CDC42BPA: variants seen among roughly 807,000 people sequenced by gnomAD.
CDC42BPA encodes the protein serine/threonine-protein kinase MRCK alpha.
A neutral mutation model predicts 223.5 loss-of-function variants in CDC42BPA; 80 were observed. The observed-to-expected ratio is 0.36, with a 90% CI of 0.30 to 0.43. CDC42BPA has a LOEUF of 0.43. CDC42BPA is among the 20% of genes least tolerant of loss of function. CDC42BPA has a pLI of 1.00. For synonymous variants in CDC42BPA, 694 were observed against 718.6 expected, an observed-to-expected ratio of 0.97 and a Z score of 0.55; for missense variants, 1,743 against 2,099.9, an observed-to-expected ratio of 0.83 and a Z score of 3.32.
intron 5 of CDC42BPA, among the ~76,000 whole-genome samples, chr1:227,190,780 C>T (rs1669576540): frequency 6.6e-6 from 1 of 151,900 alleles, no homozygotes; most frequent in South Asian, 2.1e-4. Context: ...ATGAGAATAA[C>T]ATTTTAAGGA....
chr1:227,018,032 AATT>A (rs56236828), intron 32 of CDC42BPA, among the ~76,000 whole-genome samples: 2,028 of 145,094 alleles, frequency 0.014, 22 homozygotes, highest in African/African-American at 0.037. Context: ...TTAAAAATAG[AATT>A]ATTATTATTA....
intron 5 of CDC42BPA, among the ~76,000 whole-genome samples, chr1:227,161,231 A>C (rs1663833076): frequency 6.6e-6 from 1 of 152,224 alleles, no homozygotes; most frequent in Non-Finnish European, 1.5e-5. Context: ...ACTATATCAT[A>C]TACCAGCTTT....
At chr1:227,296,535 G>A (rs963043111) in intron 1 of CDC42BPA, among the ~76,000 whole-genome samples, 17 of 151,698 alleles carry the variant, frequency 1.1e-4, no homozygotes, top group Non-Finnish European at 2.4e-4. Context: ...GTGAAACCCC[G>A]CATCTACTAA....
intron 23 of CDC42BPA, among the ~76,000 whole-genome samples, chr1:227,042,593 A>G (rs1458655070): frequency 1.3e-5 from 2 of 152,162 alleles, no homozygotes; most frequent in African/African-American, 4.8e-5. Context: ...AATACACAAT[A>G]GGATTTTGTT....
At chr1:227,023,370 T>C in intron 31 of CDC42BPA, 23 bp from the exon 32 acceptor site, 1 of 1,279,066 alleles carries the variant, frequency 7.8e-7, no homozygotes, top group Non-Finnish European at 1.1e-6. Flanking sequence ...ACAAAATTAG[T>C]ATTTCAACAA....
At chr1:227,027,414 T>G (rs1206710927) in intron 30 of CDC42BPA, among the ~76,000 whole-genome samples, 1 of 151,848 alleles carries the variant, frequency 6.6e-6, no homozygotes, top group East Asian at 1.9e-4. Context: ...AATGAAGAGG[T>G]TTTACTCCTC....
chr1:227,252,075 G>A (rs1682110642), intron 2 of CDC42BPA, among the ~76,000 whole-genome samples: 1 of 151,682 alleles, frequency 6.6e-6, no homozygotes, highest in Admixed American at 6.6e-5. Context: ...CTTAAACACA[G>A]GTTTGAAAAG....
At chr1:227,202,813 C>T (rs950019286) in intron 3 of CDC42BPA, among the ~76,000 whole-genome samples, 2 of 151,154 alleles carry the variant, frequency 1.3e-5, no homozygotes, top group African/African-American at 4.9e-5. Context: ...CTCTGTAGTC[C>T]TAGCTACTTG....
At chr1:227,269,212 A>C (rs145404541) in intron 1 of CDC42BPA, among the ~76,000 whole-genome samples, 2,055 of 152,382 alleles carry the variant, frequency 0.013, 17 homozygotes, top group Middle Eastern at 0.027. Flanking sequence ...AAAACAAGGC[A>C]GTAGGCCAGA....
intron 2 of CDC42BPA, among the ~76,000 whole-genome samples, chr1:227,229,477 T>C (rs1319032816): frequency 6.6e-6 from 1 of 152,200 alleles, no homozygotes; most frequent in Non-Finnish European, 1.5e-5. Flanking sequence ...CAAAATTGTT[T>C]TGGCTATTCT....
At chr1:227,060,716 A>AGTTTTTTTTTTTTTTTTTTTTTT (rs1373925166) in intron 21 of CDC42BPA, among the ~76,000 whole-genome samples, 3 of 126,526 alleles carry the variant, frequency 2.4e-5, no homozygotes, top group Admixed American at 8.3e-5. Context: ...GTAAATAGGT[A>AGTTTTTTTTTTTTTTTTTTTTTT]CTTTTTTTTT....
chr1:227,311,256 T>G (rs377571670), intron 1 of CDC42BPA, among the ~76,000 whole-genome samples: 10 of 141,378 alleles, frequency 7.1e-5, no homozygotes, highest in East Asian at 6.5e-4. Context: ...AGCTACTTGG[T>G]AAGCTGAGAC....
At chr1:227,018,024 A>T (rs1666634201) in intron 32 of CDC42BPA, among the ~76,000 whole-genome samples, 1 of 116,618 alleles carries the variant, frequency 8.6e-6, no homozygotes, top group African/African-American at 3.2e-5. Context: ...TAAATATTTT[A>T]AAAATAGAAT....
At chr1:227,185,125 T>C (rs1237506891) in intron 5 of CDC42BPA, among the ~76,000 whole-genome samples, 7 of 151,324 alleles carry the variant, frequency 4.6e-5, no homozygotes, top group African/African-American at 7.3e-5. Flanking sequence ...ATTAGCATCT[T>C]TGGAAATCTT....
At position 227,294,666 on chromosome 1, in the gene CDC42BPA, C is replaced by T. The variant is rs1156475563; in HGVS notation, c.178+22339G>A. ...ACGAGGTCAGGAGATCGAGACCATCCTGGCTAACAAGGTGAAACCCCGTCT... is the reference window on the plus strand; with the variant it reads ...ACGAGGTCAGGAGATCGAGACCATCTTGGCTAACAAGGTGAAACCCCGTCT... On this transcript the variant is annotated intron_variant, in intron 1 of 36. Coordinates refer to ENST00000366766, the MANE Select transcript of CDC42BPA (RefSeq NM_001394014.1). 2.6e-5 allele frequency among the ~76,000 whole-genome samples: 2 copies of T among 78,140 alleles called. 1 individual carries two copies. The highest frequency in any genetic ancestry group is 5.3e-5 in the Non-Finnish European group (2 of 37,424). The allele number at this position is 78,140 out of a possible 152,430, so 51.3% of individuals were successfully genotyped here. A position where few individuals can be genotyped will look rare whatever the true frequency, so the allele number is the denominator to read the frequency against.
intron 2 of CDC42BPA, among the ~76,000 whole-genome samples, chr1:227,220,764 C>T (rs144712795): frequency 2.6e-5 from 4 of 152,266 alleles, no homozygotes; most frequent in Admixed American, 6.5e-5. Flanking sequence ...TCCTTCCTTC[C>T]CTTCCTGTCC....
rs758302589 is a variant in CDC42BPA at position 227,096,735 on chromosome 1, G to A, written c.2249+4257C>T. Among the ~76,000 whole-genome samples, 18 of 152,226 alleles carry A rather than the reference G, an allele frequency of 1.2e-4. No homozygotes were observed. The South Asian group carries it at 1.9e-3, about 16-fold the overall frequency. On this transcript the variant is annotated intron_variant, in intron 15 of 36. Coordinates refer to ENST00000366766, the MANE Select transcript of CDC42BPA (RefSeq NM_001394014.1). ...TTCCATCCTTCCTGTAAATATCAAT[G>A]CTCCTCAGTATTCTGTCTTAGGTGC... is the stretch of plus-strand genomic sequence containing the variant.
Position 227,101,274 on chromosome 1 carries a change from CAAG to C in CDC42BPA, c.2002-38_2002-36del, listed in dbSNP as rs760463539. ...TAATAACAAAAGATTAGTGCATCTACAAGAATAATAAAATATTTAAATAACTTC... is the reference window on the plus strand; with the variant it reads ...TAATAACAAAAGATTAGTGCATCTACAATAATAAAATATTTAAATAACTTC... On this transcript the variant is annotated intron_variant, in intron 14 of 36. Coordinates refer to ENST00000366766, the MANE Select transcript of CDC42BPA (RefSeq NM_001394014.1). 2.4e-5 allele frequency: 31 copies of C among 1,271,444 alleles called. No homozygotes were observed. In the Admixed American group the frequency reaches 3.4e-4, roughly 14 times the overall value. 78.8% of individuals were successfully genotyped at this position (1,271,444 alleles called of 1,614,324 possible). A position where few individuals can be genotyped will look rare whatever the true frequency, so the allele number is the denominator to read the frequency against.
At chr1:227,106,051 C>CT (rs1242690311) in intron 14 of CDC42BPA, among the ~76,000 whole-genome samples, 1 of 152,160 alleles carries the variant, frequency 6.6e-6, no homozygotes, top group Non-Finnish European at 1.5e-5. Context: ...TTTATACTTT[C>CT]TTTAGCAACA....
Sources: gnomAD v4.1 joint callset for allele counts (sites outside exome capture counted in the v4.1 genomes callset) on GRCh38, gnomAD v4.1.1 for gene constraint, MANE v1.5 for transcripts, NCBI Gene and HGNC (gene_info 2026-07-23, HGNC 2026-07-21) for gene names.